DISC1: variants seen among roughly 807,000 people sequenced by gnomAD.
DISC1 encodes DISC1 scaffold protein.
Under a neutral mutation model 84.5 loss-of-function variants are expected in DISC1, and 57 were observed. That is an observed-to-expected ratio of 0.67 (90% CI 0.55 to 0.84). The LOEUF (loss-of-function observed/expected upper bound fraction) is 0.84. Among genes scored for constraint, DISC1 ranks in the 40% least tolerant of loss-of-function variants. The probability of loss-of-function intolerance (pLI) is 0.00; values close to 1 mark genes in which losing one functional copy is unlikely to be tolerated. For missense variants in DISC1, 1,000 were observed against 1,057.8 expected (o/e 0.95, Z 0.76); for synonymous variants, 411 against 415.2 (o/e 0.99, Z 0.12).
In DISC1 at chr1:231,741,923, C is replaced by A. The variant is rs558547272; in HGVS notation, c.1118-8003C>A. Among the ~76,000 whole-genome samples, 4 of 152,282 alleles carry A rather than the reference C, an allele frequency of 2.6e-5. No individual in the cohort carries two copies. The South Asian group carries it at 8.3e-4, about 32-fold the overall frequency. ...GTCTTGCCTGGGGAACATCAATGAC[C>A]CTGTGACTGGTCTCTGGGCTCTGCT... On this transcript the variant is annotated intron_variant, in intron 3 of 12. Transcript: ENST00000439617.
chr1:231,981,703 T>C (rs1663628347), intron 10 of DISC1, among the ~76,000 whole-genome samples: 1 of 152,150 alleles, frequency 6.6e-6, no homozygotes, highest in Non-Finnish European at 1.5e-5. Context: ...GGGGTAGAGT[T>C]TGAACTGTCC....
intron 9 of DISC1, among the ~76,000 whole-genome samples, chr1:231,878,530 A>G (rs1259503456): frequency 6.6e-6 from 1 of 151,992 alleles, no homozygotes; most frequent in Non-Finnish European, 1.5e-5. Flanking sequence ...GGTTCAAGAC[A>G]CAGGCAGGAA....
At chr1:231,917,066 T>C (rs2089687263) in intron 9 of DISC1, among the ~76,000 whole-genome samples, 1 of 152,196 alleles carries the variant, frequency 6.6e-6, no homozygotes. Flanking sequence ...GAAATGGAAA[T>C]GGAAAATTTG....
intron 9 of DISC1, among the ~76,000 whole-genome samples, chr1:231,839,332 T>C (rs2082857366): frequency 6.6e-6 from 1 of 152,200 alleles, no homozygotes; most frequent in Non-Finnish European, 1.5e-5. Flanking sequence ...CTACTAATAT[T>C]GACCTCTTAG....
intron 6 of DISC1, among the ~76,000 whole-genome samples, chr1:231,791,300 T>C (rs1447192016): frequency 6.6e-6 from 1 of 152,222 alleles, no homozygotes; most frequent in African/African-American, 2.4e-5. Context: ...GTAGTTAGTA[T>C]TGTTCAACAG....
chr1:231,791,809 G>T (rs554402851), intron 6 of DISC1, among the ~76,000 whole-genome samples: 3 of 152,292 alleles, frequency 2.0e-5, no homozygotes, highest in African/African-American at 7.2e-5. Context: ...TTATTTTCTG[G>T]TTTTTGGTTT....
chr1:231,658,668 T>C (rs548199924), intron 1 of DISC1, among the ~76,000 whole-genome samples: 36 of 152,334 alleles, frequency 2.4e-4, no homozygotes, highest in African/African-American at 8.2e-4. Flanking sequence ...ACCTAGTTTA[T>C]TGAGAATTTT....
intron 9 of DISC1, among the ~76,000 whole-genome samples, chr1:231,825,150 A>G (rs1456904735): frequency 3.9e-5 from 6 of 152,144 alleles, no homozygotes; most frequent in Non-Finnish European, 8.8e-5. Context: ...TATATTTTTA[A>G]AAGTCCCTAC....
chr1:231,832,941 G>A (rs1289479753), intron 9 of DISC1, among the ~76,000 whole-genome samples: 2 of 106,574 alleles, frequency 1.9e-5, no homozygotes, highest in Non-Finnish European at 2.0e-5. Flanking sequence ...AGAGTGCTGT[G>A]GGATGGGATA....
chr1:231,710,021 A>G (rs1235559085), intron 3 of DISC1, among the ~76,000 whole-genome samples: 1 of 152,118 alleles, frequency 6.6e-6, no homozygotes, highest in Non-Finnish European at 1.5e-5. Flanking sequence ...CAGCTGCTCC[A>G]TAGAAGGTGG....
chr1:231,723,326 C>G (rs957135167), intron 3 of DISC1: 6 of 985,722 alleles, frequency 6.1e-6, no homozygotes, highest in African/African-American at 1.7e-5. Flanking sequence ...GCAGGCAGAA[C>G]ATCTGGGCAG....
intron 11 of DISC1, among the ~76,000 whole-genome samples, chr1:232,016,311 A>G (rs1357924847): frequency 1.3e-5 from 2 of 152,212 alleles, no homozygotes; most frequent in African/African-American, 4.8e-5. Flanking sequence ...CAAAGAACAC[A>G]TTCCCTTAAA....
At chr1:231,905,677 A>G (rs2088575006) in intron 9 of DISC1, among the ~76,000 whole-genome samples, 1 of 152,084 alleles carries the variant, frequency 6.6e-6, no homozygotes, top group African/African-American at 2.4e-5. Flanking sequence ...CAAAGCGACT[A>G]AGAGACATGG....
intron 1 of DISC1, among the ~76,000 whole-genome samples, chr1:231,645,504 C>CTT (rs35679664): frequency 7.0e-6 from 1 of 143,362 alleles, no homozygotes; most frequent in African/African-American, 2.5e-5. Flanking sequence ...CATGTCACTT[C>CTT]TTTTTTTTTT....
chr1:231,903,511 A>G (rs1212243262), intron 9 of DISC1, among the ~76,000 whole-genome samples: 1 of 152,242 alleles, frequency 6.6e-6, no homozygotes, highest in Non-Finnish European at 1.5e-5. Context: ...CTAGGAAGAA[A>G]CATCAACCTC....
intron 9 of DISC1, among the ~76,000 whole-genome samples, chr1:231,875,404 C>T (rs1558679362): frequency 6.6e-6 from 1 of 152,138 alleles, no homozygotes; most frequent in Non-Finnish European, 1.5e-5. Flanking sequence ...GCTCCTCATC[C>T]TGCTGCCTGG....
chr1:231,829,994 G>A (rs974502766), intron 9 of DISC1, among the ~76,000 whole-genome samples: 3 of 152,154 alleles, frequency 2.0e-5, no homozygotes, highest in African/African-American at 7.2e-5. Flanking sequence ...GTGGTGGAAT[G>A]TCATCAGTTA....
At position 231,756,516 on chromosome 1, in the gene DISC1, C is replaced by CGAGAGAGAGA. The variant is rs60818301; in HGVS notation, c.1268+6479_1268+6488dup. The stretch of plus-strand genomic sequence containing the variant: ...GGTTCACAAACGTATATGTGAATAT[C>CGAGAGAGAGA]GAGAGAGAGAGAGAGAGAGAGAGAG... On this transcript the variant is annotated intron_variant, in intron 4 of 12. Coordinates refer to ENST00000439617, the MANE Select transcript of DISC1 (RefSeq NM_018662.3). 3.6e-3 allele frequency among the ~76,000 whole-genome samples: 484 copies of CGAGAGAGAGA among 133,490 alleles called. 5 individuals carry two copies. The highest frequency in any genetic ancestry group is 5.7e-3 in the African/African-American group (192 of 33,982). 87.6% of individuals were successfully genotyped at this position (133,490 alleles called of 152,430 possible).
At chr1:231,805,861 AG>A (rs2079667983) in intron 8 of DISC1, among the ~76,000 whole-genome samples, 1 of 152,216 alleles carries the variant, frequency 6.6e-6, no homozygotes, top group Admixed American at 6.5e-5. Context: ...GAAACTCACC[AG>A]GGCAGAGAGA....
Sources: gnomAD v4.1 joint callset for allele counts (sites outside exome capture counted in the v4.1 genomes callset) on GRCh38, gnomAD v4.1.1 for gene constraint, MANE v1.5 for transcripts, NCBI Gene and HGNC (gene_info 2026-07-23, HGNC 2026-07-21) for gene names.